Variants in PRP4K observed in about 807,000 individuals in gnomAD.
The protein encoded by PRP4K is pre-mRNA processing factor kinase PRP4K.
chr6:4,060,326 T>G, the PRP4K span: 1 of 1,259,052 alleles, frequency 7.9e-7, no homozygotes, highest in Non-Finnish European at 1.1e-6. This position sits in a 1 kb window ranked among gnomAD's most constrained non-coding sequence, Gnocchi z 4.7. Context: ...GTTTTTAATA[T>G]TTTTGATAGA....
chr6:4,045,898 A>G, the PRP4K span, among the ~76,000 whole-genome samples: 1 of 152,180 alleles, frequency 6.6e-6, no homozygotes, highest in Non-Finnish European at 1.5e-5. Context: ...TTTTTTCTTA[A>G]TAATACATTC....
chr6:4,032,684 G>T, the PRP4K span: 1 of 1,611,346 alleles, frequency 6.2e-7, no homozygotes, highest in Middle Eastern at 1.7e-4. Flanking sequence ...TGTCTCCTGG[G>T]AGAAGAGCCA....
chr6:4,026,281 G>A, the PRP4K span, among the ~76,000 whole-genome samples: 1 of 149,550 alleles, frequency 6.7e-6, no homozygotes, highest in Non-Finnish European at 1.5e-5. Flanking sequence ...TAGGATTACA[G>A]GTGTGAGCCA....
the PRP4K span, chr6:4,032,835 AAAATGAAGTAGTAAGTAAAAATAAAAAT>A: frequency 7.4e-7 from 1 of 1,353,222 alleles, no homozygotes; most frequent in African/African-American, 1.5e-5. Context: ...TGGACCATTA[AAAATGAAGTAGTAAGTAAAAATAAAAAT>A]AAATGAAGTA....
chr6:4,033,877 T>C, the PRP4K span, among the ~76,000 whole-genome samples: 1 of 152,152 alleles, frequency 6.6e-6, no homozygotes, highest in South Asian at 2.1e-4. Flanking sequence ...TGATTAGTTT[T>C]ACTGATTCTG....
At chr6:4,047,086 T>G in the PRP4K span, 3 of 1,140,698 alleles carry the variant, frequency 2.6e-6, no homozygotes, top group Non-Finnish European at 3.9e-6. Context: ...CAAAAAAGTT[T>G]GAATTACTAT....
chr6:4,040,935 T>C, the PRP4K span: 2 of 1,606,836 alleles, frequency 1.2e-6, no homozygotes, highest in South Asian at 1.1e-5. Context: ...TAAGTAAGAA[T>C]AGAACTTACC....
the PRP4K span, chr6:4,062,798 T>C: frequency 4.6e-5 from 7 of 152,736 alleles, no homozygotes; most frequent in East Asian, 1.4e-3. The surrounding 1 kb of genome is among the most constrained non-coding windows in gnomAD (Gnocchi z 4.2). Flanking sequence ...GCCTTTTAAT[T>C]AAGGCGTCAC....
the PRP4K span, chr6:4,037,573 A>T: frequency 6.2e-7 from 1 of 1,611,668 alleles, no homozygotes; most frequent in Non-Finnish European, 8.5e-7. Context: ...CGGAGAAGGT[A>T]AAGACATTTC....
At chr6:4,043,695 G>T in the PRP4K span, 2 of 917,868 alleles carry the variant, frequency 2.2e-6, no homozygotes, top group Non-Finnish European at 3.3e-6. Flanking sequence ...ATACCATTTG[G>T]TTTGTTACAT....
At chr6:4,052,659 A>C in the PRP4K span, 3 of 1,370,562 alleles carry the variant, frequency 2.2e-6, no homozygotes, top group South Asian at 4.5e-5. Context: ...TTGCCTTTTT[A>C]TATTTCCATT....
the PRP4K span, chr6:4,052,592 G>T: frequency 1.5e-6 from 1 of 659,850 alleles, no homozygotes; most frequent in East Asian, 2.8e-5. Context: ...AAATGTGGGG[G>T]TGGTTCTTAC....
the PRP4K span, among the ~76,000 whole-genome samples, chr6:4,048,331 A>G: frequency 6.7e-6 from 1 of 149,426 alleles, no homozygotes; most frequent in Non-Finnish European, 1.5e-5. Flanking sequence ...GTGAGCGGAG[A>G]TCGCGCCACT....
chr6:4,027,011 G>C, the PRP4K span, among the ~76,000 whole-genome samples: 2 of 152,224 alleles, frequency 1.3e-5, no homozygotes, highest in African/African-American at 2.4e-5. Context: ...GGTGTGGCTG[G>C]AGCAGGGTGA....
chr6:4,035,765 C>T, the PRP4K span, among the ~76,000 whole-genome samples: 1 of 152,120 alleles, frequency 6.6e-6, no homozygotes, highest in Admixed American at 6.5e-5. Flanking sequence ...GTCAGGAGTT[C>T]GAGACTAGCT....
chr6:4,023,384 C>T, the PRP4K span, among the ~76,000 whole-genome samples: 1 of 151,974 alleles, frequency 6.6e-6, no homozygotes, highest in Non-Finnish European at 1.5e-5. Flanking sequence ...AACTGAAACA[C>T]AGAGAAATTA....
chr6:4,047,791 A>G, the PRP4K span, among the ~76,000 whole-genome samples: 61 of 152,274 alleles, frequency 4.0e-4, no homozygotes, highest in African/African-American at 1.3e-3. Flanking sequence ...GACATTTTCA[A>G]TATAAATTTC....
chr6:4,037,507 G>A, the PRP4K span: 1 of 1,614,020 alleles, frequency 6.2e-7, no homozygotes, highest in Non-Finnish European at 8.5e-7. Flanking sequence ...ATTAGAAGGA[G>A]GTCTCGTTCC....
At chr6:4,051,091 C>A in the PRP4K span, among the ~76,000 whole-genome samples, 1 of 151,630 alleles carries the variant, frequency 6.6e-6, no homozygotes, top group Non-Finnish European at 1.5e-5. Context: ...TGTATTTTCA[C>A]TAGAGACAGG....
Sources: allele counts gnomAD v4.1 joint callset (sites outside exome capture counted in the v4.1 genomes callset), GRCh38; gene constraint gnomAD v4.1.1; non-coding constraint Gnocchi (gnomAD v3.1); transcripts MANE v1.5; gene names NCBI Gene and HGNC (gene_info 2026-07-23, HGNC 2026-07-21).